Variants in SPTLC2 observed in about 807,000 individuals in gnomAD.
SPTLC2 encodes serine palmitoyltransferase long chain base subunit 2.
A neutral mutation model predicts 62.0 loss-of-function variants in SPTLC2; 21 were observed. The ratio of observed to expected loss-of-function variants is 0.34; its 90% CI spans 0.24 to 0.49. The LOEUF (loss-of-function observed/expected upper bound fraction) is 0.49. Ranked by LOEUF, SPTLC2 falls within the 20% of genes least tolerant of loss-of-function variation. The probability of loss-of-function intolerance (pLI) is 0.99; values close to 1 mark genes in which losing one functional copy is unlikely to be tolerated. For missense variants in SPTLC2, 511 were observed against 713.0 expected, an observed-to-expected ratio of 0.72 and a Z score of 3.23; for synonymous variants, 261 against 261.8, an observed-to-expected ratio of 1.00 and a Z score of 0.03.
chr14:77,537,126 T>C (rs1458677283), intron 9 of SPTLC2, among the ~76,000 whole-genome samples: 1 of 152,094 alleles, frequency 6.6e-6, no homozygotes, highest in Non-Finnish European at 1.5e-5. Context: ...TTTCACCATC[T>C]TGGCAAGGCT....
chr14:77,567,296 G>A (rs1478804433), intron 5 of SPTLC2, among the ~76,000 whole-genome samples: 1 of 152,214 alleles, frequency 6.6e-6, no homozygotes, highest in East Asian at 1.9e-4. Context: ...CCAGGTCTGT[G>A]TAGAAAACGT....
intron 1 of SPTLC2, among the ~76,000 whole-genome samples, chr14:77,608,602 T>C (rs967410669): frequency 6.6e-6 from 1 of 152,016 alleles, no homozygotes; most frequent in Non-Finnish European, 1.5e-5. Context: ...GATAAGCAAA[T>C]AGATATACTG....
intron 1 of SPTLC2, 80 bp downstream of exon 1, chr14:77,616,368 C>T (rs1417713345): frequency 1.5e-5 from 14 of 911,530 alleles, no homozygotes; most frequent in Middle Eastern, 4.0e-4. Context: ...CAGCGGATGG[C>T]CCGGAGACCT....
chr14:77,513,572 C>G (rs763351772), intron 11 of SPTLC2, among the ~76,000 whole-genome samples: 13 of 152,102 alleles, frequency 8.5e-5, no homozygotes, highest in Non-Finnish European at 1.6e-4. Flanking sequence ...CACCTGACCT[C>G]TGTGACAAGA....
chr14:77,559,984 T>C (rs1416031947), intron 6 of SPTLC2, among the ~76,000 whole-genome samples: 1 of 151,926 alleles, frequency 6.6e-6, no homozygotes, highest in Non-Finnish European at 1.5e-5. Context: ...AATTTGAAAA[T>C]GGCCAATTTA....
At chr14:77,576,692 T>A (rs1212260648) in intron 4 of SPTLC2, 75 bp downstream of exon 4, 1 of 1,591,352 alleles carries the variant, frequency 6.3e-7, no homozygotes, top group Non-Finnish European at 8.6e-7. Flanking sequence ...ATACTCTAGG[T>A]CAATATTACT....
At chr14:77,513,449 C>T (rs922627849) in intron 11 of SPTLC2, among the ~76,000 whole-genome samples, 3 of 152,132 alleles carry the variant, frequency 2.0e-5, no homozygotes, top group African/African-American at 4.8e-5. Context: ...AAGAGCTGAA[C>T]GTCAATGTGC....
At chr14:77,555,605 TTGAGTTTAC>T (rs2079579009) in intron 7 of SPTLC2, 86 bp from the exon 8 acceptor site, 1 of 1,291,312 alleles carries the variant, frequency 7.7e-7, no homozygotes. Flanking sequence ...TTCATTATTA[TTGAGTTTAC>T]TGCTTCTTTT....
chr14:77,604,643 G>A (rs902448871), intron 1 of SPTLC2, among the ~76,000 whole-genome samples: 2 of 151,960 alleles, frequency 1.3e-5, no homozygotes, highest in Non-Finnish European at 2.9e-5. Flanking sequence ...CAAGGCGGGC[G>A]GATCACCTGA....
chr14:77,522,834 GATA>G (rs1239240659), intron 9 of SPTLC2, among the ~76,000 whole-genome samples: 1 of 152,200 alleles, frequency 6.6e-6, no homozygotes, highest in African/African-American at 2.4e-5. Context: ...GTCCAAGCAT[GATA>G]CATGACATAA....
chr14:77,520,616 A>G (rs1333120602), intron 10 of SPTLC2, among the ~76,000 whole-genome samples: 1 of 152,232 alleles, frequency 6.6e-6, no homozygotes, highest in Non-Finnish European at 1.5e-5. Context: ...CTTTGCATAT[A>G]ATAAAATTTG....
chr14:77,571,444 G>A (rs950868722), intron 4 of SPTLC2, among the ~76,000 whole-genome samples: 71 of 151,176 alleles, frequency 4.7e-4, no homozygotes, highest in South Asian at 8.4e-4. Context: ...GGGAGGCAGA[G>A]GTTGCAGTGA....
At chr14:77,555,043 T>C in intron 8 of SPTLC2, 1 of 487,148 alleles carries the variant, frequency 2.1e-6, no homozygotes, top group Non-Finnish European at 3.8e-6. Flanking sequence ...GTGTGTTCTT[T>C]CACACAAGAG....
chr14:77,580,249 G>A (rs1480486258), intron 2 of SPTLC2, among the ~76,000 whole-genome samples: 1 of 152,040 alleles, frequency 6.6e-6, no homozygotes, highest in Non-Finnish European at 1.5e-5. Flanking sequence ...GAGGTGGGTG[G>A]GTGGGAAGAT....
chr14:77,594,833 G>A (rs1277139044), intron 2 of SPTLC2, among the ~76,000 whole-genome samples: 2 of 148,196 alleles, frequency 1.3e-5, no homozygotes, highest in Admixed American at 6.7e-5. Context: ...CACTAGGAGA[G>A]GTCCCTGCAG....
chr14:77,524,437 G>GT (rs1479914947), intron 9 of SPTLC2, among the ~76,000 whole-genome samples: 2 of 141,608 alleles, frequency 1.4e-5, no homozygotes, highest in African/African-American at 5.4e-5. Flanking sequence ...ACTAGCCTCT[G>GT]TTAAAAAAAA....
intron 9 of SPTLC2, among the ~76,000 whole-genome samples, chr14:77,525,390 G>T (rs1030500621): frequency 1.3e-5 from 2 of 151,906 alleles, no homozygotes; most frequent in Non-Finnish European, 2.9e-5. Flanking sequence ...TTGGGAGTTT[G>T]AGAGTAGCCT....
chr14:77,545,492 C>T (rs1356166416), intron 9 of SPTLC2, among the ~76,000 whole-genome samples: 3 of 152,176 alleles, frequency 2.0e-5, no homozygotes. Context: ...TGGTCTCAAA[C>T]TCCTGACCTC....
chr14:77,568,808 A>AG (rs2079660941), intron 5 of SPTLC2, among the ~76,000 whole-genome samples: 1 of 117,572 alleles, frequency 8.5e-6, no homozygotes, highest in Non-Finnish European at 1.8e-5. Flanking sequence ...ACTCTGTCTC[A>AG]AAAAAAAAAA....
Sources: allele counts gnomAD v4.1 joint callset (sites outside exome capture counted in the v4.1 genomes callset), GRCh38; gene constraint gnomAD v4.1.1; transcripts MANE v1.5; gene names NCBI Gene and HGNC (gene_info 2026-07-23, HGNC 2026-07-21).